The following PHLPP2 variants were observed in gnomAD, a reference collection of about 807,000 sequenced individuals.
PHLPP2 encodes the protein PH domain and leucine rich repeat protein phosphatase 2, also known as PH domain leucine-rich repeat-containing protein phosphatase 2.
PHLPP2 carries 66 observed loss-of-function variants against 124.9 expected under a neutral mutation model. The ratio of observed to expected loss-of-function variants is 0.53; its 90% CI spans 0.43 to 0.65. PHLPP2 has a LOEUF of 0.65. PHLPP2 is among the 30% of genes least tolerant of loss of function. The pLI is 0.00. For missense variants in PHLPP2, 1,685 were observed against 1,600.4 expected, an observed-to-expected ratio of 1.05 and a Z score of -0.90; for synonymous variants, 681 against 624.7, an observed-to-expected ratio of 1.09 and a Z score of -1.34.
In PHLPP2 at chr16:71,659,247, ATT is replaced by A. The variant is rs11357819; in HGVS notation, c.1986-434_1986-433del. ...GAGGTTGTACTAAATCATCACAAAG[ATT>A]TTTTTTTTTTTTTTTTTTTGAGATG... is the stretch of plus-strand genomic sequence containing the variant. On this transcript the variant is annotated intron_variant, in intron 13 of 18. Transcript: ENST00000568954. Among the ~76,000 whole-genome samples the A allele has an allele frequency of 5.5e-3, 496 of 89,822 alleles. 1 individual carries two copies. The highest frequency in any genetic ancestry group is 5.5e-3 in the Middle Eastern group (1 of 182). 58.9% of individuals were successfully genotyped at this position (89,822 alleles called of 152,430 possible). A position where few individuals can be genotyped will look rare whatever the true frequency, so the allele number is the denominator to read the frequency against.
intron 3 of PHLPP2, among the ~76,000 whole-genome samples, chr16:71,701,189 T>C (rs563529520): frequency 2.0e-5 from 3 of 152,272 alleles, no homozygotes; most frequent in South Asian, 4.1e-4. Context: ...ACAAAAACTA[T>C]ATAATTATTA....
chr16:71,723,611 T>G, intron 1 of PHLPP2: 1 of 307,400 alleles, frequency 3.3e-6, no homozygotes, highest in Non-Finnish European at 5.7e-6. Flanking sequence ...CAGCCGGGTG[T>G]GGGGCGGCCG....
intron 1 of PHLPP2, chr16:71,723,544 G>A (rs1240654968): frequency 5.2e-6 from 1 of 190,486 alleles, no homozygotes; most frequent in Admixed American, 6.1e-5. Context: ...GGGCAGCAGC[G>A]GGGTACCGAG....
rs1297660963 is a variant in PHLPP2 at position 71,667,246 on chromosome 16, G to A, written c.1716C>T (p.Leu572=). Residue 572 remains leucine (L), a synonymous_variant, in exon 12 of 19, where the codon CTC becomes CTT. Transcript: ENST00000568954. ...NLPTLVEHIP[L]EVLDLQHNAL... ...CATTATGCTGAAGATCCAGCACCTC[G>A]AGGGGGATGTGCTCTACCAGTGTTG... 2.0e-5 allele frequency: 33 copies of A among 1,613,448 alleles called. No homozygotes were observed. Among genetic ancestry groups the A allele is most frequent in the Middle Eastern group, 3.3e-4 (2 of 6,084 alleles).
At chr16:71,690,449 A>T in intron 4 of PHLPP2, 70 bp downstream of exon 4, 1 of 1,054,654 alleles carries the variant, frequency 9.5e-7, no homozygotes, top group Non-Finnish European at 1.4e-6. Flanking sequence ...AAAAGCTATG[A>T]AAAGCATTAT....
intron 1 of PHLPP2, chr16:71,723,752 T>C: frequency 8.0e-7 from 1 of 1,246,946 alleles, no homozygotes. Flanking sequence ...CGCTCGCTGG[T>C]CCATCCGCCT....
At chr16:71,655,034 CAGAGA>C (rs2145307602) in intron 17 of PHLPP2, 2 of 508,076 alleles carry the variant, frequency 3.9e-6, no homozygotes, top group Non-Finnish European at 3.5e-6. Context: ...TTGGATTCAA[CAGAGA>C]AAACAGATGA....
rs756642820 is a variant in PHLPP2 at position 71,719,964 on chromosome 16, A to ATTTT, written c.-7+4361_-7+4364dup. Among the ~76,000 whole-genome samples the ATTTT allele has an allele frequency of 5.4e-3, 290 of 53,218 alleles. 14 individuals carry two copies. The highest frequency in any genetic ancestry group is 6.2e-3 in the South Asian group (8 of 1,288). The allele number at this position is 53,218 out of a possible 152,430, so 34.9% of individuals were successfully genotyped here. A position where few individuals can be genotyped will look rare whatever the true frequency, so the allele number is the denominator to read the frequency against. On this transcript the variant is annotated intron_variant, in intron 1 of 18. Transcript: ENST00000568954. The stretch of plus-strand genomic sequence containing the variant: ...AGGTGCACAACACCATGCCCAGCTA[A>ATTTT]TTTTTTTTTTTTTTTTTTTTTTTTG...
chr16:71,669,833 A>C (rs2044874660), intron 10 of PHLPP2, among the ~76,000 whole-genome samples: 1 of 152,218 alleles, frequency 6.6e-6, no homozygotes. Flanking sequence ...AAAAGTTTCA[A>C]ACCATTTAGA....
intron 2 of PHLPP2, among the ~76,000 whole-genome samples, chr16:71,713,813 G>T (rs1380664941): frequency 6.6e-6 from 1 of 151,746 alleles, no homozygotes; most frequent in East Asian, 1.9e-4. Context: ...CGTGCATAAA[G>T]AAGCTGGTAA....
intron 5 of PHLPP2, among the ~76,000 whole-genome samples, chr16:71,682,658 CAA>C (rs2045013525): frequency 6.6e-6 from 1 of 152,046 alleles, no homozygotes; most frequent in Non-Finnish European, 1.5e-5. Flanking sequence ...GCTAAACATG[CAA>C]AAGACACTCA....
intron 13 of PHLPP2, among the ~76,000 whole-genome samples, chr16:71,662,264 T>C (rs1465774242): frequency 6.6e-6 from 1 of 151,728 alleles, no homozygotes; most frequent in African/African-American, 2.4e-5. Flanking sequence ...ACCCTGTCTC[T>C]ACAAAAATAC....
intron 18 of PHLPP2, 106 bp from the exon 19 acceptor site, chr16:71,650,150 T>C (rs576981474): frequency 1.3e-4 from 99 of 762,552 alleles, no homozygotes; most frequent in Non-Finnish European, 2.0e-4. Context: ...AATTTATATA[T>C]GATTTTTCCT....
intron 1 of PHLPP2, among the ~76,000 whole-genome samples, chr16:71,719,762 A>G (rs2045386121): frequency 6.6e-6 from 1 of 151,664 alleles, no homozygotes; most frequent in African/African-American, 2.4e-5. Context: ...AGGGTAAGCC[A>G]TGAATTAAAT....
At chr16:71,710,080 C>G in intron 2 of PHLPP2, among the ~76,000 whole-genome samples, 1 of 152,130 alleles carries the variant, frequency 6.6e-6, no homozygotes. Context: ...GACTCCTGAG[C>G]CCAAGCAATC....
intron 1 of PHLPP2, among the ~76,000 whole-genome samples, chr16:71,717,966 ACGGCAGCTT>A (rs2045374469): frequency 6.6e-6 from 1 of 152,180 alleles, no homozygotes; most frequent in Non-Finnish European, 1.5e-5. Flanking sequence ...ATCATAGCCC[ACGGCAGCTT>A]CGAACTCCTG....
intron 13 of PHLPP2, among the ~76,000 whole-genome samples, chr16:71,662,400 A>G (rs917235189): frequency 1.3e-5 from 2 of 151,892 alleles, no homozygotes; most frequent in African/African-American, 4.8e-5. Context: ...ACAGCACTCC[A>G]GCCTGGCCAA....
intron 8 of PHLPP2, chr16:71,678,293 T>G: frequency 6.4e-6 from 1 of 156,558 alleles, no homozygotes; most frequent in Non-Finnish European, 1.4e-5. Flanking sequence ...TGCTACTGAG[T>G]GATAAATAAA....
In PHLPP2 at chr16:71,649,794, T is replaced by C; in HGVS notation, c.3068A>G (p.Gln1023Arg). ...AACTACCATCGCCCCTACATTGTCCTGACAGCCATAGCTCTGCGCTAATGT... is the reference window on the plus strand; with the variant it reads ...AACTACCATCGCCCCTACATTGTCCCGACAGCCATAGCTCTGCGCTAATGT... ...LCTLAQSYGC[Q>R]DNVGAMVVYL... Residue 1023 changes from glutamine to arginine, a missense_variant, in exon 19 of 19, where the codon CAG (glutamine) becomes CGG (arginine). Transcript: ENST00000568954. 6.2e-7 allele frequency: 1 copy of C among 1,614,276 alleles called. No individual in the cohort carries two copies. Among genetic ancestry groups the C allele is most frequent in the Non-Finnish European group, 8.5e-7 (1 of 1,180,046 alleles).
Sources: gnomAD v4.1 joint callset for allele counts (sites outside exome capture counted in the v4.1 genomes callset) on GRCh38, gnomAD v4.1.1 for gene constraint, MANE v1.5 for transcripts, NCBI Gene and HGNC (gene_info 2026-07-23, HGNC 2026-07-21) for gene names.